RBM39: variants seen among roughly 807,000 people sequenced by gnomAD.
The protein encoded by RBM39 is RNA binding motif protein 39.
A neutral mutation model predicts 79.6 loss-of-function variants in RBM39; 12 were observed. The observed-to-expected ratio is 0.15, with a 90% CI of 0.10 to 0.24. The LOEUF is 0.24. Ranked by LOEUF, RBM39 falls within the 10% of genes least tolerant of loss-of-function variation. The probability of loss-of-function intolerance (pLI) is 1.00; values close to 1 mark genes in which losing one functional copy is unlikely to be tolerated. For synonymous variants in RBM39, 185 were observed against 208.4 expected (o/e 0.89, Z 0.97); for missense variants, 243 against 653.4 (o/e 0.37, Z 6.85).
rs982939503 is a variant in RBM39 at position 35,732,266 on chromosome 20, T to A, written c.102-131A>T. 15 of 741,414 alleles carry A rather than the reference T, an allele frequency of 2.0e-5. No homozygotes were observed. The African/African-American group carries it at 3.1e-4, about 15-fold the overall frequency. The allele number at this position is 741,414 out of a possible 1,614,324, so 45.9% of individuals were successfully genotyped here. On this transcript the variant is annotated intron_variant, in intron 3 of 16. Transcript: ENST00000253363. ...GGCTAGTTTTACTATGATACAATGG[T>A]ACATAATCATACTTAAAAAAAAAAA...
At chr20:35,705,017 A>G (rs2035547979) in intron 15 of RBM39, 1 of 590,788 alleles carries the variant, frequency 1.7e-6, no homozygotes. Context: ...GAGCATTACT[A>G]GAAATCCTCT....
Position 35,704,760 on chromosome 20 carries a change from G to GA in RBM39, c.1414-15dup, listed in dbSNP as rs756882149. 1.6e-4 allele frequency: 248 copies of GA among 1,595,246 alleles called. No individual in the cohort carries two copies. The highest frequency in any genetic ancestry group is 4.0e-4 in the African/African-American group (29 of 73,286). ...ATACACATTGCCCTACAGAAAAAAT[G>GA]AAAAAAAAGGTAAAGATGTTGCTGT... On this transcript the variant is annotated splice_polypyrimidine_tract_variant and intron_variant, in intron 15 of 16. Transcript: ENST00000253363.
rs76113078 is a variant in RBM39, at chr20:35,717,297, C to CA, written c.826-493dup. 3.3e-3 allele frequency among the ~76,000 whole-genome samples: 390 copies of CA among 116,830 alleles called. 2 individuals carry two copies. Among genetic ancestry groups the CA allele is most frequent in the East Asian group, 0.023 (99 of 4,216 alleles). 76.6% of individuals were successfully genotyped at this position (116,830 alleles called of 152,430 possible). A position where few individuals can be genotyped will look rare whatever the true frequency, so the allele number is the denominator to read the frequency against. ...TTGGTCTCAAAAAACAAAACAAAAA[C>CA]AAAAAAAAAAAACAAACTCTAGAAA... On this transcript the variant is annotated intron_variant, in intron 9 of 16. Coordinates refer to ENST00000253363, the MANE Select transcript of RBM39 (RefSeq NM_184234.3).
Position 35,734,311 on chromosome 20 carries a change from A to C in RBM39, c.102-2176T>G, listed in dbSNP as rs184280878. On this transcript the variant is annotated intron_variant, in intron 3 of 16. Transcript: ENST00000253363. ...GTCAGAAATGTATATGCTAGGTAGC[A>C]CATGACAGAAAATTAGGCTACACTC... The C allele has an allele frequency of 1.3e-5, 14 of 1,039,868 alleles. No homozygotes were observed. In the East Asian group the frequency reaches 7.8e-4, roughly 58 times the overall value. 64.4% of individuals were successfully genotyped at this position (1,039,868 alleles called of 1,614,324 possible).
intron 14 of RBM39, among the ~76,000 whole-genome samples, chr20:35,705,793 A>AG (rs1418948493): frequency 6.6e-6 from 1 of 152,074 alleles, no homozygotes; most frequent in African/African-American, 2.4e-5. Context: ...GTCTCAAAAA[A>AG]AAAAAAAAGT....
chr20:35,741,005 G>C (rs1335483356), intron 1 of RBM39, 118 bp from the exon 2 acceptor site: 5 of 342,418 alleles, frequency 1.5e-5, no homozygotes, highest in Non-Finnish European at 2.3e-5. Flanking sequence ...AAAAGAACAA[G>C]ACGATTCCGT....
At chr20:35,730,499 T>C (rs1228760863) in intron 4 of RBM39, among the ~76,000 whole-genome samples, 1 of 152,216 alleles carries the variant, frequency 6.6e-6, no homozygotes, top group Non-Finnish European at 1.5e-5. Context: ...CTAATGCTGA[T>C]GACTGAGAAT....
intron 6 of RBM39, among the ~76,000 whole-genome samples, chr20:35,728,064 C>T (rs1380691759): frequency 1.3e-5 from 2 of 151,964 alleles, no homozygotes; most frequent in Admixed American, 1.3e-4. Context: ...TGGGATTACC[C>T]GCGTGAGCCA....
chr20:35,739,209 GTCA>G (rs1299047936), intron 2 of RBM39, 192 bp from the exon 3 acceptor site: 1 of 624,264 alleles, frequency 1.6e-6, no homozygotes, highest in African/African-American at 1.9e-5. Context: ...TTACATTTAA[GTCA>G]TCAAGATACA....
intron 2 of RBM39, 101 bp from the exon 3 acceptor site, chr20:35,739,118 T>A (rs887609339): frequency 9.2e-6 from 9 of 976,890 alleles, no homozygotes; most frequent in African/African-American, 1.6e-5. Context: ...AAAACAATTT[T>A]AAAACTAATT....
chr20:35,721,991 AC>A, intron 8 of RBM39, 114 bp from the exon 9 acceptor site: 2 of 1,228,236 alleles, frequency 1.6e-6, no homozygotes, highest in Admixed American at 2.2e-5. Flanking sequence ...ATACTACCCT[AC>A]GTAAGTCAGA....
chr20:35,731,929 A>G lies in RBM39; in HGVS notation c.296+12T>C. 6.2e-7 allele frequency: 1 copy of G among 1,612,400 alleles called. No individual in the cohort carries two copies. ...TAACCCTCAAACCAAAATCATAACT[A>G]TAGTTACATACTAAGGACTTCTGTA... On this transcript the variant is annotated intron_variant, in intron 4 of 16. Coordinates refer to ENST00000253363, the MANE Select transcript of RBM39 (RefSeq NM_184234.3).
At chr20:35,718,023 TAA>T (rs2037380159) in intron 9 of RBM39, among the ~76,000 whole-genome samples, 1 of 152,032 alleles carries the variant, frequency 6.6e-6, no homozygotes, top group Non-Finnish European at 1.5e-5. Flanking sequence ...CACGCCCAGC[TAA>T]ATTTTTTGTA....
chr20:35,715,853 G>C (rs1391002236), intron 10 of RBM39, among the ~76,000 whole-genome samples: 1 of 152,000 alleles, frequency 6.6e-6, no homozygotes, highest in African/African-American at 2.4e-5. Context: ...TCCTTGCTCT[G>C]TTACTTCACA....
At chr20:35,727,019 G>A (rs1162442535) in intron 6 of RBM39, among the ~76,000 whole-genome samples, 2 of 151,846 alleles carry the variant, frequency 1.3e-5, no homozygotes, top group Non-Finnish European at 2.9e-5. Context: ...TAGAGATGGG[G>A]TTTCACCATG....
intron 2 of RBM39, 109 bp downstream of exon 2, chr20:35,740,715 A>T: frequency 7.6e-7 from 1 of 1,314,232 alleles, no homozygotes; most frequent in Non-Finnish European, 1.1e-6. Flanking sequence ...CATCTCTGAT[A>T]AGATAAATCA....
intron 6 of RBM39, 61 bp from the exon 7 acceptor site, chr20:35,725,216 T>C: frequency 1.7e-6 from 2 of 1,187,216 alleles, no homozygotes; most frequent in Non-Finnish European, 2.4e-6. Flanking sequence ...ATTTTTATCT[T>C]TTTTATTTCT....
At position 35,729,597 on chromosome 20, in the gene RBM39, T is replaced by C. The variant is rs2039145498; in HGVS notation, c.297-70A>G. ...TTGCTAAGATCGCATTCATGCGCTCTCCAGCAAGACTAACATTGTTTAGGC... is the reference window on the plus strand; with the variant it reads ...TTGCTAAGATCGCATTCATGCGCTCCCCAGCAAGACTAACATTGTTTAGGC... On this transcript the variant is annotated intron_variant, in intron 4 of 16. Transcript: ENST00000253363. 5 of 1,366,450 alleles carry C rather than the reference T, an allele frequency of 3.7e-6. No homozygotes were observed. The Middle Eastern group carries it at 8.2e-4, about 225-fold the overall frequency. The allele number at this position is 1,366,450 out of a possible 1,614,324, so 84.6% of individuals were successfully genotyped here.
In RBM39 at chr20:35,732,541, AGT is replaced by A. The variant is rs542960828; in HGVS notation, c.102-408_102-407del. On this transcript the variant is annotated intron_variant, in intron 3 of 16. Coordinates refer to ENST00000253363, the MANE Select transcript of RBM39 (RefSeq NM_184234.3). The stretch of plus-strand genomic sequence containing the variant: ...ACTGGTACTCCAGCCTGGGCGACAG[AGT>A]AAGACTCTGTCTAAAAAAATTGCTA... 463 of 186,920 alleles carry A rather than the reference AGT, an allele frequency of 2.5e-3. 2 individuals are homozygous for A. Among genetic ancestry groups the A allele is most frequent in the Non-Finnish European group, 3.7e-3 (324 of 87,444 alleles). 11.6% of individuals were successfully genotyped at this position (186,920 alleles called of 1,614,324 possible). A position where few individuals can be genotyped will look rare whatever the true frequency, so the allele number is the denominator to read the frequency against.
Sources: gnomAD v4.1 joint callset for allele counts (sites outside exome capture counted in the v4.1 genomes callset) on GRCh38, gnomAD v4.1.1 for gene constraint, MANE v1.5 for transcripts, NCBI Gene and HGNC (gene_info 2026-07-23, HGNC 2026-07-21) for gene names.